The following MSTO1 variants were observed in gnomAD, a reference collection of about 807,000 sequenced individuals.
MSTO1 encodes the protein protein misato homolog 1.
MSTO1 carries 24 observed loss-of-function variants against 55.7 expected under a neutral mutation model. The observed-to-expected ratio is 0.43, with a 90% CI of 0.31 to 0.61. MSTO1 has a LOEUF of 0.61. MSTO1 is among the 20% of genes least tolerant of loss of function. MSTO1 has a pLI of 0.09. For synonymous variants in MSTO1, 162 were observed against 252.8 expected (o/e 0.64, Z 3.41); for missense variants, 363 against 625.7 (o/e 0.58, Z 4.48).
the MSTO1 span, among the ~76,000 whole-genome samples, chr1:155,565,517 A>G: frequency 6.6e-6 from 1 of 151,932 alleles, no homozygotes; most frequent in Non-Finnish European, 1.5e-5. Flanking sequence ...CAATCTTTAG[A>G]CTCTAGTTTG....
the MSTO1 span, among the ~76,000 whole-genome samples, chr1:155,593,967 TA>T: frequency 2.9e-3 from 399 of 138,060 alleles, no homozygotes; most frequent in Non-Finnish European, 2.9e-3. Context: ...AGACTCCGTC[TA>T]AAAAAAAAAA....
At chr1:155,570,826 C>T in the MSTO1 span, among the ~76,000 whole-genome samples, 1 of 152,090 alleles carries the variant, frequency 6.6e-6, no homozygotes, top group Non-Finnish European at 1.5e-5. Flanking sequence ...TGGTTTCAGG[C>T]ATCCCCTGGG....
rs751127836 is a variant in MSTO1 at position 155,613,169 on chromosome 1, T to C, written c.1219T>C (p.Ser407Pro). The C allele has an allele frequency of 6.2e-7, 1 of 1,614,002 alleles. No homozygotes were observed. The highest frequency in any genetic ancestry group is 8.5e-7 in the Non-Finnish European group (1 of 1,180,018). Residue 407 changes from serine to proline, a missense_variant, in exon 11 of 14, where the codon TCT becomes CCT. By Grantham distance (74) the Ser-to-Pro change is moderately conservative. Coordinates refer to ENST00000245564, the MANE Select transcript of MSTO1 (RefSeq NM_018116.4). ...WTPLSACGEPSGTRCFAQSVV... is the reference protein window; with the variant it reads ...WTPLSACGEPPGTRCFAQSVV... ...CCCACTGTCTGCATGTGGGGAGCCT[T>C]CTGGAACACGTTGCTTTGCCCAGTC...
rs545184810 is a variant in MSTO1, at chr1:155,614,656, C to T, written c.*383C>T. 8 of 1,471,140 alleles carry T rather than the reference C, an allele frequency of 5.4e-6. No homozygotes were observed. Among genetic ancestry groups the T allele is most frequent in the Non-Finnish European group, 7.6e-6 (8 of 1,052,306 alleles). 91.1% of individuals were successfully genotyped at this position (1,471,140 alleles called of 1,614,324 possible). A position where few individuals can be genotyped will look rare whatever the true frequency, so the allele number is the denominator to read the frequency against. On this transcript the variant is annotated 3_prime_UTR_variant, in exon 14 of 14. Transcript: ENST00000245564. ...CAAGGACTGTACAAGCAGAGTACAA[C>T]TACCCGCCTCCCCGGTGCCAGGGCG... is the stretch of plus-strand genomic sequence containing the variant.
the MSTO1 span, among the ~76,000 whole-genome samples, chr1:155,576,240 C>A: frequency 1.3e-5 from 2 of 152,142 alleles, no homozygotes; most frequent in African/African-American, 4.8e-5. Context: ...GGGTTGTCTT[C>A]CACTTACTTG....
chr1:155,604,407 A>T, the MSTO1 span, among the ~76,000 whole-genome samples: 2 of 152,256 alleles, frequency 1.3e-5, no homozygotes, highest in Non-Finnish European at 2.9e-5. Context: ...TTTAAACTAG[A>T]AACCAGTAAC....
At chr1:155,567,628 G>A in the MSTO1 span, among the ~76,000 whole-genome samples, 2 of 152,018 alleles carry the variant, frequency 1.3e-5, no homozygotes, top group Non-Finnish European at 1.5e-5. Context: ...TAGAGACAGC[G>A]TTTCGCCATG....
At chr1:155,598,228 C>T in the MSTO1 span, among the ~76,000 whole-genome samples, 4 of 151,704 alleles carry the variant, frequency 2.6e-5, no homozygotes, top group East Asian at 2.0e-4. Flanking sequence ...GCAATTCTCC[C>T]GCCTCAGCCT....
the MSTO1 span, among the ~76,000 whole-genome samples, chr1:155,575,447 T>G: frequency 2.6e-5 from 4 of 152,162 alleles, no homozygotes; most frequent in Admixed American, 2.6e-4. Flanking sequence ...TTTGCCTTTT[T>G]TTTTCTTAAT....
At chr1:155,584,308 G>A in the MSTO1 span, among the ~76,000 whole-genome samples, 1 of 152,018 alleles carries the variant, frequency 6.6e-6, no homozygotes, top group Non-Finnish European at 1.5e-5. Flanking sequence ...GCAATGAGCT[G>A]TGATTGTGCC....
At chr1:155,611,453 G>A (rs1674001290) in intron 4 of MSTO1, 96 bp from the exon 5 acceptor site, 1 of 1,611,804 alleles carries the variant, frequency 6.2e-7, no homozygotes, top group South Asian at 1.1e-5. Context: ...ACAGAAAGGA[G>A]GCTATGCGGT....
In MSTO1 at chr1:155,612,510, G is replaced by A. The variant is rs765337553; in HGVS notation, c.906G>A (p.Leu302=). The A allele has an allele frequency of 1.9e-6, 3 of 1,613,882 alleles. No individual in the cohort carries two copies. Among genetic ancestry groups the A allele is most frequent in the South Asian group, 2.2e-5 (2 of 91,070 alleles). Residue 302 remains leucine (L), a synonymous_variant, in exon 9 of 14, where the codon TTG becomes TTA. Transcript: ENST00000245564. The part of the protein sequence containing the change: ...AHSSLVCPLS[L]GGSLGLRPEP... ...GCTCTCTTGTCTGCCCCTTGTCCTT[G>A]GGTGGGAGCCTGGGCCTGCGACCCG...
chr1:155,572,649 A>AT, the MSTO1 span, among the ~76,000 whole-genome samples: 4 of 150,918 alleles, frequency 2.7e-5, no homozygotes, highest in Middle Eastern at 3.2e-3. Context: ...GAGATGGAGA[A>AT]TTTTTTTTTC....
At chr1:155,585,355 C>G in the MSTO1 span, among the ~76,000 whole-genome samples, 1 of 152,028 alleles carries the variant, frequency 6.6e-6, no homozygotes, top group Non-Finnish European at 1.5e-5. Flanking sequence ...AACCCCGTCT[C>G]TACTAAAAAT....
At chr1:155,586,780 C>T in the MSTO1 span, 2 of 419,136 alleles carry the variant, frequency 4.8e-6, no homozygotes, top group South Asian at 1.8e-5. Flanking sequence ...CTCAGTCTTG[C>T]TCTGTCACCC....
chr1:155,600,327 T>G, the MSTO1 span, among the ~76,000 whole-genome samples: 1 of 152,254 alleles, frequency 6.6e-6, no homozygotes, highest in African/African-American at 2.4e-5. Context: ...TTAATTCATT[T>G]AACCCTGAGT....
chr1:155,582,226 T>A, the MSTO1 span, among the ~76,000 whole-genome samples: 7 of 151,992 alleles, frequency 4.6e-5, no homozygotes, highest in African/African-American at 1.7e-4. Flanking sequence ...ACCTGTCCCT[T>A]ACCTACCGTC....
the MSTO1 span, among the ~76,000 whole-genome samples, chr1:155,585,314 G>C: frequency 6.6e-6 from 1 of 152,150 alleles, no homozygotes; most frequent in Admixed American, 6.5e-5. Context: ...ACGAGGTCAG[G>C]AGATCGATAC....
the MSTO1 span, chr1:155,566,070 T>C: frequency 6.6e-6 from 1 of 152,218 alleles, no homozygotes; most frequent in East Asian, 1.9e-4. Flanking sequence ...TGCCCATGCT[T>C]GTGTTCCTTT....
Sources: allele counts gnomAD v4.1 joint callset (sites outside exome capture counted in the v4.1 genomes callset), GRCh38; gene constraint gnomAD v4.1.1; transcripts MANE v1.5; gene names NCBI Gene and HGNC (gene_info 2026-07-23, HGNC 2026-07-21).